DOCK1: variants seen among roughly 807,000 people sequenced by gnomAD.
DOCK1 encodes dedicator of cytokinesis 1.
Under a neutral mutation model 262.7 loss-of-function variants are expected in DOCK1, and 138 were observed. The ratio of observed to expected loss-of-function variants is 0.53; its 90% CI spans 0.46 to 0.61. The LOEUF is 0.61. Ranked by LOEUF, DOCK1 falls within the 20% of genes least tolerant of loss-of-function variation. DOCK1 has a pLI of 0.00. For synonymous variants in DOCK1, 866 were observed against 867.4 expected (o/e 1.00, Z 0.03); for missense variants, 1,908 against 2,370.7 (o/e 0.80, Z 4.05).
chr10:127,281,741 G>A (rs1281951819), intron 29 of DOCK1, among the ~76,000 whole-genome samples: 7 of 152,174 alleles, frequency 4.6e-5, no homozygotes, highest in African/African-American at 1.7e-4. Context: ...CACATCAAGA[G>A]CCAGGTTCCT....
rs201194223 is a variant in DOCK1, at chr10:127,110,414, C to T, written c.2623+60C>T. 163 of 1,464,542 alleles carry T rather than the reference C, an allele frequency of 1.1e-4. 1 individual carries two copies. The highest frequency in any genetic ancestry group is 1.0e-3 in the South Asian group (85 of 82,966). The allele number at this position is 1,464,542 out of a possible 1,614,324, so 90.7% of individuals were successfully genotyped here. ...GTTATTTATTTTCTGAAGACATTGA[C>T]CCTCTGAATTGCCTCTTCTTGACAA... On this transcript the variant is annotated intron_variant, in intron 25 of 51. Transcript: ENST00000623213.
At chr10:126,946,371 A>G (rs1468149878) in intron 1 of DOCK1, among the ~76,000 whole-genome samples, 1 of 151,802 alleles carries the variant, frequency 6.6e-6, no homozygotes, top group Non-Finnish European at 1.5e-5. Flanking sequence ...ACATGGTGAA[A>G]CCCCATTTCT....
At chr10:127,139,890 A>T (rs1182301672) in intron 27 of DOCK1, among the ~76,000 whole-genome samples, 3 of 152,212 alleles carry the variant, frequency 2.0e-5, no homozygotes, top group Admixed American at 6.5e-5. Context: ...TTATCTATTG[A>T]TCACTAATCT....
chr10:126,927,727 G>A (rs940161405), intron 1 of DOCK1, among the ~76,000 whole-genome samples: 207 of 152,226 alleles, frequency 1.4e-3, no homozygotes, highest in Non-Finnish European at 2.4e-3. Context: ...GTGAGCCACC[G>A]CGCCCGGCCT....
intron 25 of DOCK1, among the ~76,000 whole-genome samples, chr10:127,124,304 C>T (rs989420528): frequency 6.6e-6 from 1 of 152,070 alleles, no homozygotes; most frequent in Non-Finnish European, 1.5e-5. Flanking sequence ...TCCTGAAAAC[C>T]GGCTAAGTCT....
In DOCK1 at chr10:127,420,732, A is replaced by G. The variant is rs954487228; in HGVS notation, c.4776+983A>G. Among the ~76,000 whole-genome samples, 32 of 151,820 alleles carry G rather than the reference A, an allele frequency of 2.1e-4. 1 individual carries two copies. Among genetic ancestry groups the G allele is most frequent in the African/African-American group, 7.5e-4 (31 of 41,444 alleles). On this transcript the variant is annotated intron_variant, in intron 46 of 51. Transcript: ENST00000623213. ...TGCACGCCTATAATCCCAGCTACTC[A>G]GGAGGCTGAGGCAGGAGAATCGCTT...
chr10:127,043,292 AT>A, intron 21 of DOCK1, 128 bp downstream of exon 21: 6 of 740,854 alleles, frequency 8.1e-6, no homozygotes, highest in Non-Finnish European at 1.3e-5. Context: ...GTTTACTGGA[AT>A]AATTTTTAGT....
chr10:127,357,994 GT>G (rs5788837), intron 32 of DOCK1, among the ~76,000 whole-genome samples: 39,488 of 147,626 alleles, frequency 0.27, 5,437 homozygotes, highest in Middle Eastern at 0.42. Context: ...TTTCTACATA[GT>G]TTTTTTTTTT....
intron 27 of DOCK1, among the ~76,000 whole-genome samples, chr10:127,216,371 T>C (rs1460942799): frequency 6.6e-6 from 1 of 150,730 alleles, no homozygotes; most frequent in Non-Finnish European, 1.5e-5. Context: ...AAGCGCAGGA[T>C]ACAGATACTT....
At chr10:127,307,234 C>T (rs1781623929) in intron 29 of DOCK1, among the ~76,000 whole-genome samples, 1 of 152,200 alleles carries the variant, frequency 6.6e-6, no homozygotes, top group African/African-American at 2.4e-5. Context: ...GAAGCTCCTT[C>T]CTGCTTTGGC....
chr10:127,115,475 T>A (rs924025272), intron 25 of DOCK1, among the ~76,000 whole-genome samples: 1 of 152,228 alleles, frequency 6.6e-6, no homozygotes, highest in Non-Finnish European at 1.5e-5. Context: ...GCAAGATAGA[T>A]ACAAAGAGAA....
chr10:127,009,514 AGAG>A lies in DOCK1; in HGVS notation c.1058+717_1058+719del, dbSNP rs1407182312. On this transcript the variant is annotated intron_variant, in intron 11 of 51. Coordinates refer to ENST00000623213, the MANE Select transcript of DOCK1 (RefSeq NM_001290223.2). The stretch of plus-strand genomic sequence containing the variant: ...CCACTTAAGCACTCCTACTCCTCAC[AGAG>A]GAGGAGAGAAAAAGGAATCCAGATG... Among the ~76,000 whole-genome samples, 6 of 152,246 alleles carry A rather than the reference AGAG, an allele frequency of 3.9e-5. No individual in the cohort carries two copies. In the South Asian group the frequency reaches 8.3e-4, roughly 21 times the overall value.
At chr10:127,350,500 G>C (rs2063833879) in intron 31 of DOCK1, among the ~76,000 whole-genome samples, 2 of 152,180 alleles carry the variant, frequency 1.3e-5, no homozygotes, top group South Asian at 2.1e-4. Context: ...TATTGTCCTA[G>C]AGAACTCCTG....
chr10:127,128,064 C>A (rs2050077780), intron 27 of DOCK1: 1 of 188,592 alleles, frequency 5.3e-6, no homozygotes, highest in Admixed American at 6.1e-5. Flanking sequence ...ACTTAAGGTG[C>A]CATTAATAAA....
chr10:127,217,768 A>G (rs1052500335), intron 27 of DOCK1, among the ~76,000 whole-genome samples: 2 of 152,248 alleles, frequency 1.3e-5, no homozygotes, highest in Non-Finnish European at 2.9e-5. Flanking sequence ...GCCAAAGCCA[A>G]TGTCAAGAAG....
chr10:127,223,704 C>T (rs2058526625), intron 27 of DOCK1, among the ~76,000 whole-genome samples: 1 of 152,200 alleles, frequency 6.6e-6, no homozygotes, highest in South Asian at 2.1e-4. Flanking sequence ...CATCAAGCAT[C>T]AAGTGAAAGC....
chr10:127,147,711 A>AT, intron 27 of DOCK1, among the ~76,000 whole-genome samples: 1 of 152,028 alleles, frequency 6.6e-6, no homozygotes, highest in Admixed American at 6.6e-5. Context: ...GGGCTAAGGC[A>AT]TTTTTATCAA....
intron 6 of DOCK1, among the ~76,000 whole-genome samples, chr10:126,991,458 A>G (rs2039778468): frequency 1.3e-5 from 2 of 152,066 alleles, no homozygotes; most frequent in African/African-American, 4.8e-5. Flanking sequence ...TAGAATCCCA[A>G]GACCTACCCC....
intron 27 of DOCK1, among the ~76,000 whole-genome samples, chr10:127,235,280 C>G (rs1407916481): frequency 1.3e-5 from 2 of 152,032 alleles, no homozygotes; most frequent in African/African-American, 4.8e-5. Context: ...TAGAATATTT[C>G]CATTTCCGTA....
Sources: allele counts gnomAD v4.1 joint callset (sites outside exome capture counted in the v4.1 genomes callset), GRCh38; gene constraint gnomAD v4.1.1; transcripts MANE v1.5; gene names NCBI Gene and HGNC (gene_info 2026-07-23, HGNC 2026-07-21).